The following TESMIN variants were observed in gnomAD, a reference collection of about 807,000 sequenced individuals.
The protein encoded by TESMIN is CXC domain containing 2.
TESMIN carries 34 observed loss-of-function variants against 47.4 expected under a neutral mutation model. The observed-to-expected ratio is 0.72, with a 90% CI of 0.55 to 0.96. The LOEUF is 0.96. Ranked by LOEUF, TESMIN falls within the 40% of genes least tolerant of loss-of-function variation. The pLI, the probability that TESMIN is intolerant of heterozygous loss-of-function variation, is 0.00. For missense variants in TESMIN, 610 were observed against 637.2 expected, an observed-to-expected ratio of 0.96 and a Z score of 0.46; for synonymous variants, 278 against 258.9, an observed-to-expected ratio of 1.07 and a Z score of -0.71.
intron 3 of TESMIN, 189 bp downstream of exon 3, chr11:68,747,019 T>A (rs960950601): frequency 3.9e-5 from 24 of 615,680 alleles, no homozygotes; most frequent in Non-Finnish European, 6.9e-5. Context: ...TAAGATGGAG[T>A]AGAAATGAGA....
At chr11:68,731,051 G>A (rs972484538) in intron 6 of TESMIN, among the ~76,000 whole-genome samples, 1 of 152,194 alleles carries the variant, frequency 6.6e-6, no homozygotes, top group South Asian at 2.1e-4. Context: ...GGAGGAGGAA[G>A]ATGAACGAGT....
chr11:68,736,265 T>G (rs1253500029), intron 6 of TESMIN: 1 of 985,244 alleles, frequency 1.0e-6, no homozygotes, highest in Non-Finnish European at 1.2e-6. Context: ...GGACAAGGAT[T>G]TGTATTAAAG....
chr11:68,713,513 A>T, intron 7 of TESMIN, 106 bp from the exon 8 acceptor site: 1 of 1,292,420 alleles, frequency 7.7e-7, no homozygotes, highest in Non-Finnish European at 1.1e-6. Flanking sequence ...ATGCCACAAT[A>T]AACAGAGTCT....
intron 6 of TESMIN, among the ~76,000 whole-genome samples, chr11:68,729,908 T>C (rs550466441): frequency 1.3e-5 from 2 of 152,354 alleles, no homozygotes; most frequent in Middle Eastern, 3.4e-3. Context: ...TCACATACTA[T>C]AGAGAAATCT....
chr11:68,734,449 A>C (rs987057156), intron 6 of TESMIN, among the ~76,000 whole-genome samples: 1 of 152,234 alleles, frequency 6.6e-6, no homozygotes, highest in East Asian at 1.9e-4. Context: ...TTTGCAATGG[A>C]AGTGGTTCAA....
chr11:68,706,199 T>C (rs1333230148), downstream of TESMIN, among the ~76,000 whole-genome samples: 3 of 152,224 alleles, frequency 2.0e-5, no homozygotes, highest in South Asian at 2.1e-4. Context: ...CTGGTCAGCA[T>C]AGTGGCTTTA....
intron 6 of TESMIN, among the ~76,000 whole-genome samples, chr11:68,734,726 T>A (rs544915343): frequency 6.5e-4 from 99 of 152,324 alleles, no homozygotes; most frequent in African/African-American, 2.4e-3. Context: ...TGGCACACAG[T>A]CCGTGCTTGC....
At chr11:68,730,341 C>T (rs189338269) in intron 6 of TESMIN, among the ~76,000 whole-genome samples, 1 of 152,146 alleles carries the variant, frequency 6.6e-6, no homozygotes, top group Admixed American at 6.5e-5. Flanking sequence ...CCAAAATAGG[C>T]CTGTTATAAA....
At chr11:68,745,439 G>A (rs1008145110) in intron 3 of TESMIN, among the ~76,000 whole-genome samples, 4 of 152,140 alleles carry the variant, frequency 2.6e-5, no homozygotes, top group African/African-American at 9.7e-5. Flanking sequence ...ATGCCCCAGA[G>A]CTTCCTTTGT....
At position 68,722,641 on chromosome 11, in the gene TESMIN, C is replaced by A. The variant is rs565701145; in HGVS notation, c.918-6702G>T. The stretch of plus-strand genomic sequence containing the variant: ...ATTAGATTTGCTTTTTTGAAAAATT[C>A]AGCTATATTTAACCTACAGAAGACA... On this transcript the variant is annotated intron_variant, in intron 6 of 9. Coordinates refer to ENST00000255087, the MANE Select transcript of TESMIN (RefSeq NM_004923.3). 2.6e-5 allele frequency among the ~76,000 whole-genome samples: 4 copies of A among 152,096 alleles called. No individual in the cohort carries two copies. In the East Asian group the frequency reaches 7.7e-4, roughly 29 times the overall value.
chr11:68,748,553 A>C (rs1330762477), intron 2 of TESMIN, among the ~76,000 whole-genome samples: 1 of 152,208 alleles, frequency 6.6e-6, no homozygotes, highest in Non-Finnish European at 1.5e-5. Context: ...CTTATACTAA[A>C]ATTCCATTTC....
At chr11:68,727,892 C>T (rs1302911195) in intron 6 of TESMIN, among the ~76,000 whole-genome samples, 1 of 152,172 alleles carries the variant, frequency 6.6e-6, no homozygotes, top group East Asian at 1.9e-4. Context: ...AAGCCACATC[C>T]ATATAAGAGC....
intron 9 of TESMIN, among the ~76,000 whole-genome samples, chr11:68,710,192 G>A (rs1946047254): frequency 6.6e-6 from 1 of 152,086 alleles, no homozygotes; most frequent in African/African-American, 2.4e-5. Flanking sequence ...ACAATCATGA[G>A]TATTTCTGAT....
At chr11:68,744,841 A>T in intron 4 of TESMIN, 150 bp downstream of exon 4, 2 of 592,196 alleles carry the variant, frequency 3.4e-6, no homozygotes, top group Non-Finnish European at 5.5e-6. Flanking sequence ...ATACATTTTT[A>T]TATTCTTAGC....
Position 68,747,031 on chromosome 11 carries a change from T to C in TESMIN, c.630+177A>G, listed in dbSNP as rs1946529337. 4 of 635,206 alleles carry C rather than the reference T, an allele frequency of 6.3e-6. No homozygotes were observed. The African/African-American group carries it at 7.3e-5, about 12-fold the overall frequency. The allele number at this position is 635,206 out of a possible 1,614,324, so 39.3% of individuals were successfully genotyped here. A position where few individuals can be genotyped will look rare whatever the true frequency, so the allele number is the denominator to read the frequency against. ...TGCTAAGATGGAGTAGAAATGAGAA[T>C]CTTAGAGGTGAGATGTGAAAGGCTC... On this transcript the variant is annotated intron_variant, in intron 3 of 9. Coordinates refer to ENST00000255087, the MANE Select transcript of TESMIN (RefSeq NM_004923.3).
intron 3 of TESMIN, 55 bp downstream of exon 3, chr11:68,747,153 G>A: frequency 6.5e-7 from 1 of 1,544,350 alleles, no homozygotes; most frequent in Admixed American, 1.7e-5. Context: ...TAGTAATGAT[G>A]GGGTCCAGCA....
intron 3 of TESMIN, among the ~76,000 whole-genome samples, chr11:68,745,758 AC>A (rs1449948939): frequency 6.6e-6 from 1 of 152,068 alleles, no homozygotes; most frequent in South Asian, 2.1e-4. Flanking sequence ...GCACTGTCAG[AC>A]CCCCCTTGGA....
intron 5 of TESMIN, 83 bp from the exon 6 acceptor site, chr11:68,738,871 A>G (rs1303319911): frequency 8.2e-7 from 1 of 1,226,906 alleles, no homozygotes; most frequent in African/African-American, 1.5e-5. Context: ...GATAAAAATG[A>G]TTCTTTTTTT....
rs1946421617 is a variant in TESMIN, at chr11:68,738,794, C to T, written c.829-6G>A. ...GATGGTAAGGCTCCCTCAAGCTGTT[C>T]AAAGTCAAAGGCAAGGATATTTTGA... On this transcript the variant is annotated splice_region_variant and splice_polypyrimidine_tract_variant and intron_variant, in intron 5 of 9. Coordinates refer to ENST00000255087, the MANE Select transcript of TESMIN (RefSeq NM_004923.3). 6.2e-7 allele frequency: 1 copy of T among 1,607,488 alleles called. No individual in the cohort carries two copies. The highest frequency in any genetic ancestry group is 8.5e-7 in the Non-Finnish European group (1 of 1,174,106).
Sources: gnomAD v4.1 joint callset for allele counts (sites outside exome capture counted in the v4.1 genomes callset) on GRCh38, gnomAD v4.1.1 for gene constraint, MANE v1.5 for transcripts, NCBI Gene and HGNC (gene_info 2026-07-23, HGNC 2026-07-21) for gene names.